XDH: variants seen among roughly 807,000 people sequenced by gnomAD.
XDH encodes the protein xanthine dehydrogenase/oxidase.
XDH carries 138 observed loss-of-function variants against 156.1 expected under a neutral mutation model. That is an observed-to-expected ratio of 0.88 (90% confidence interval 0.77 to 1.02). The LOEUF is 1.02. Among genes scored for constraint, XDH ranks in the 50% least tolerant of loss-of-function variants. The probability of loss-of-function intolerance (pLI) is 0.00; values close to 1 mark genes in which losing one functional copy is unlikely to be tolerated. For missense variants in XDH, 1,849 were observed against 1,684.9 expected (o/e 1.10, Z -1.71); for synonymous variants, 669 against 625.7 (o/e 1.07, Z -1.03).
At chr2:31,414,461 C>T (rs1361227698) in intron 1 of XDH, among the ~76,000 whole-genome samples, 164 bp downstream of exon 1, 82 of 151,898 alleles carry the variant, frequency 5.4e-4, no homozygotes, top group African/African-American at 1.8e-3. Flanking sequence ...GGTCTTCTTC[C>T]CTAATGTTAC....
In XDH at chr2:31,388,221, A is replaced by T; in HGVS notation, c.564+6T>A. The T allele has an allele frequency of 6.2e-7, 1 of 1,614,140 alleles. No individual in the cohort carries two copies. The highest frequency in any genetic ancestry group is 8.5e-7 in the Non-Finnish European group (1 of 1,179,982). On this transcript the variant is annotated splice_donor_region_variant and intron_variant, in intron 7 of 35. Coordinates refer to ENST00000379416, the MANE Select transcript of XDH (RefSeq NM_000379.4). ...CAGGCTTCCAGGGGGAGAAGAACTC[A>T]CTTACTGAGTGGTCTTTCTTCTGGT...
intron 30 of XDH, 114 bp from the exon 31 acceptor site, chr2:31,344,850 A>T: frequency 9.4e-7 from 1 of 1,064,808 alleles, no homozygotes; most frequent in Non-Finnish European, 1.4e-6. Context: ...TCATTTTACT[A>T]GTGACTCCCA....
chr2:31,375,234 T>C (rs1478695691), intron 15 of XDH, 146 bp downstream of exon 15: 2 of 1,118,300 alleles, frequency 1.8e-6, no homozygotes, highest in Non-Finnish European at 2.7e-6. Flanking sequence ...GTCACTCCCA[T>C]TTCCAAGATT....
In XDH at chr2:31,372,266, G is replaced by A. The variant is rs1444416464; in HGVS notation, c.1818C>T (p.Leu606=). ...DIPRYENELS[L]RLVTSTRAHA... ...GGGCCCGGGTGCTGGTGACCAGCCG[G>A]AGAGACAGCTCATTCTCGTAGCGAG... Residue 606 remains leucine, a synonymous_variant, in exon 17 of 36, where the codon CTC becomes CTT. Transcript: ENST00000379416. The A allele has an allele frequency of 6.2e-7, 1 of 1,614,240 alleles. No homozygotes were observed. The highest frequency in any genetic ancestry group is 1.7e-5 in the Admixed American group (1 of 60,030).
chr2:31,351,003 C>G (rs188453630), intron 24 of XDH, among the ~76,000 whole-genome samples: 3 of 152,304 alleles, frequency 2.0e-5, no homozygotes, highest in Non-Finnish European at 4.4e-5. Flanking sequence ...TTATACGTCT[C>G]TAGATAATGT....
At chr2:31,336,558 G>A (rs944669669) in intron 35 of XDH, among the ~76,000 whole-genome samples, 10 of 152,052 alleles carry the variant, frequency 6.6e-5, no homozygotes, top group African/African-American at 1.9e-4. Context: ...GTTCTGGGCT[G>A]TGGGTAGGTT....
intron 6 of XDH, among the ~76,000 whole-genome samples, chr2:31,393,902 T>C (rs1189753699): frequency 1.3e-5 from 2 of 151,828 alleles, no homozygotes; most frequent in African/African-American, 4.8e-5. Context: ...CAGGTAGTGA[T>C]TGTATCTTAT....
Position 31,388,341 on chromosome 2 carries a change from T to C in XDH, c.496-46A>G, listed in dbSNP as rs756213732. ...TGCACAAGGGTATTTACAAAGAGTA[T>C]TTGCAGAAGCTAAGGAATCTAGATT... On this transcript the variant is annotated intron_variant, in intron 6 of 35. Coordinates refer to ENST00000379416, the MANE Select transcript of XDH (RefSeq NM_000379.4). 3 of 1,601,048 alleles carry C rather than the reference T, an allele frequency of 1.9e-6. No homozygotes were observed. In the African/African-American group the frequency reaches 4.0e-5, roughly 21 times the overall value.
chr2:31,349,766 G>A lies in XDH; in HGVS notation c.2889C>T (p.Phe963=), dbSNP rs1685410179. The change falls in exon 26 of 36, where the codon TTC becomes TTT. Residue 963 remains phenylalanine, a synonymous_variant. Coordinates refer to ENST00000379416, the MANE Select transcript of XDH (RefSeq NM_000379.4). ...ATTCTTCCCAGCATCTGGGCAAGGT[G>A]AAACCCTCAAGCTTCTGGTTGAAGT... The part of the protein sequence containing the change: ...LTHFNQKLEG[F]TLPRCWEECL... The A allele has an allele frequency of 6.2e-7, 1 of 1,614,072 alleles. No individual in the cohort carries two copies. The highest frequency in any genetic ancestry group is 8.5e-7 in the Non-Finnish European group (1 of 1,180,048).
intron 1 of XDH, among the ~76,000 whole-genome samples, chr2:31,407,887 C>G (rs1687234175): frequency 6.6e-6 from 1 of 152,132 alleles, no homozygotes; most frequent in African/African-American, 2.4e-5. Flanking sequence ...TATTCAATAT[C>G]CTGGTTACAA....
chr2:31,350,695 ACCCACTAGTCC>A (rs538437276), intron 24 of XDH, among the ~76,000 whole-genome samples: 1 of 151,996 alleles, frequency 6.6e-6, no homozygotes, highest in Non-Finnish European at 1.5e-5. Context: ...CACCTTATCC[ACCCACTAGTCC>A]CCTCATTCAG....
chr2:31,407,644 A>G (rs1687229109), intron 1 of XDH, among the ~76,000 whole-genome samples: 1 of 152,204 alleles, frequency 6.6e-6, no homozygotes, highest in South Asian at 2.1e-4. Flanking sequence ...AAAGGCTCAG[A>G]AAGCCGGAAG....
At chr2:31,367,686 G>A (rs1451225259) in intron 20 of XDH, among the ~76,000 whole-genome samples, 1 of 152,072 alleles carries the variant, frequency 6.6e-6, no homozygotes, top group Admixed American at 6.6e-5. Flanking sequence ...GGCATATGTG[G>A]CTGTTATCAT....
intron 15 of XDH, among the ~76,000 whole-genome samples, chr2:31,374,375 T>C (rs768164397): frequency 3.3e-5 from 5 of 152,168 alleles, no homozygotes; most frequent in Non-Finnish European, 7.3e-5. Context: ...TAAAGCGCTA[T>C]ATGCAGTGTG....
chr2:31,378,460 G>T (rs1231352226), intron 13 of XDH, among the ~76,000 whole-genome samples: 2 of 152,110 alleles, frequency 1.3e-5, no homozygotes, highest in African/African-American at 2.4e-5. Context: ...AGATCTATTG[G>T]AAAAAGCACA....
At chr2:31,400,300 A>G (rs1439305883) in intron 4 of XDH, among the ~76,000 whole-genome samples, 2 of 143,646 alleles carry the variant, frequency 1.4e-5, no homozygotes, top group African/African-American at 2.6e-5. Flanking sequence ...GTCCAGTGGC[A>G]CGATCTCGGC....
intron 24 of XDH, among the ~76,000 whole-genome samples, chr2:31,353,906 T>C (rs1381871672): frequency 2.0e-5 from 3 of 152,144 alleles, no homozygotes; most frequent in Admixed American, 1.3e-4. Flanking sequence ...AAGACTTTCA[T>C]TGCTGATGGC....
At chr2:31,396,555 A>G (rs1686911255) in intron 6 of XDH, among the ~76,000 whole-genome samples, 2 of 152,212 alleles carry the variant, frequency 1.3e-5, no homozygotes, top group South Asian at 2.1e-4. Flanking sequence ...AGTAAGGTAG[A>G]TATTCTAATG....
At chr2:31,388,350 G>T in intron 6 of XDH, 55 bp from the exon 7 acceptor site, 1 of 1,584,980 alleles carries the variant, frequency 6.3e-7, no homozygotes. Context: ...ATTTGCAGAA[G>T]CTAAGGAATC....
Sources: allele counts gnomAD v4.1 joint callset (sites outside exome capture counted in the v4.1 genomes callset), GRCh38; gene constraint gnomAD v4.1.1; transcripts MANE v1.5; gene names NCBI Gene and HGNC (gene_info 2026-07-23, HGNC 2026-07-21).